The following CNTN4 variants were observed in gnomAD, a reference collection of about 807,000 sequenced individuals.
CNTN4 encodes contactin-4.
A neutral mutation model predicts 122.5 loss-of-function variants in CNTN4; 77 were observed. The ratio of observed to expected loss-of-function variants is 0.63; its 90% CI spans 0.52 to 0.76. CNTN4 has a LOEUF of 0.76. Among genes scored for constraint, CNTN4 ranks in the 30% least tolerant of loss-of-function variants. The probability of loss-of-function intolerance (pLI) is 0.00; values close to 1 mark genes in which losing one functional copy is unlikely to be tolerated. For synonymous variants in CNTN4, 512 were observed against 447.0 expected (o/e 1.15, Z -1.83); for missense variants, 1,256 against 1,259.1 (o/e 1.00, Z 0.04).
chr3:2,231,144 CT>C (rs1161143115), intron 2 of CNTN4, among the ~76,000 whole-genome samples: 1 of 152,180 alleles, frequency 6.6e-6, no homozygotes, highest in Non-Finnish European at 1.5e-5. Context: ...TATCATTCAA[CT>C]GTACCAATAT....
At chr3:3,003,309 A>T (rs1240057825) in intron 14 of CNTN4, among the ~76,000 whole-genome samples, 2 of 152,220 alleles carry the variant, frequency 1.3e-5, no homozygotes, top group African/African-American at 4.8e-5. Flanking sequence ...TAGAAGCATT[A>T]TTCATAATAG....
chr3:2,683,016 A>G (rs573298501), intron 4 of CNTN4, among the ~76,000 whole-genome samples: 5 of 152,264 alleles, frequency 3.3e-5, no homozygotes, highest in South Asian at 4.1e-4. Flanking sequence ...AGAGTGATTG[A>G]GATCTGTCTT....
chr3:2,155,464 C>T (rs2035678680), intron 2 of CNTN4, among the ~76,000 whole-genome samples: 1 of 151,974 alleles, frequency 6.6e-6, no homozygotes, highest in Admixed American at 6.6e-5. Flanking sequence ...GCACCTACAA[C>T]AATCTATGTA....
chr3:2,834,658 G>T (rs905130293), intron 7 of CNTN4, among the ~76,000 whole-genome samples: 2 of 151,980 alleles, frequency 1.3e-5, no homozygotes, highest in African/African-American at 4.8e-5. Context: ...CATACATGAA[G>T]TATAGAAATA....
chr3:2,317,754 G>T (rs932725550), intron 2 of CNTN4, among the ~76,000 whole-genome samples: 3 of 152,176 alleles, frequency 2.0e-5, no homozygotes, highest in African/African-American at 7.2e-5. Flanking sequence ...TGCTAGGTAG[G>T]AGACAGGAAA....
chr3:2,190,360 A>C (rs550705547), intron 2 of CNTN4, among the ~76,000 whole-genome samples: 42 of 152,156 alleles, frequency 2.8e-4, no homozygotes, highest in African/African-American at 9.4e-4. Context: ...ATGATAAAAA[A>C]AGAATTTTTC....
intron 3 of CNTN4, among the ~76,000 whole-genome samples, chr3:2,359,173 T>C (rs1259406236): frequency 6.6e-6 from 1 of 152,212 alleles, no homozygotes; most frequent in Non-Finnish European, 1.5e-5. Flanking sequence ...CTTTGTAAGA[T>C]TCGATGCCCC....
intron 3 of CNTN4, among the ~76,000 whole-genome samples, chr3:2,450,797 C>A (rs577370496): frequency 5.9e-4 from 90 of 152,286 alleles, no homozygotes; most frequent in Non-Finnish European, 9.1e-4. Context: ...CTGACTCAAC[C>A]AAACAAGTTA....
chr3:3,013,145 G>A (rs78402770), intron 14 of CNTN4, among the ~76,000 whole-genome samples: 2,413 of 152,106 alleles, frequency 0.016, 33 homozygotes, highest in Non-Finnish European at 0.024. Flanking sequence ...TATGAAGCAT[G>A]TTAAAATCCA....
At chr3:2,108,165 CT>C (rs55760208) in intron 2 of CNTN4, among the ~76,000 whole-genome samples, 39,265 of 123,882 alleles carry the variant, frequency 0.32, 5,795 homozygotes, top group Admixed American at 0.39. Flanking sequence ...TGTGCCTTTT[CT>C]TTTTTTTTTT....
chr3:3,015,413 T>A (rs1312656004), intron 14 of CNTN4, among the ~76,000 whole-genome samples: 2 of 152,180 alleles, frequency 1.3e-5, no homozygotes, highest in African/African-American at 2.4e-5. Flanking sequence ...ATCAATCCTA[T>A]CTACATCAAA....
chr3:2,927,932 T>C (rs940093823), intron 13 of CNTN4, among the ~76,000 whole-genome samples: 1 of 152,338 alleles, frequency 6.6e-6, no homozygotes, highest in African/African-American at 2.4e-5. Flanking sequence ...ACAGTTCTGA[T>C]CCTCGTTCCC....
rs182589360 is a variant in CNTN4 at position 2,257,672 on chromosome 3, C to T, written c.-144-81506C>T. On this transcript the variant is annotated intron_variant, in intron 2 of 24. Coordinates refer to ENST00000418658, the MANE Select transcript of CNTN4 (RefSeq NM_175607.3). ...AGAAGACATTTATGCAGCCAAGAAA[C>T]ATGAAAAAACACTTATCATCACTGG... Among the ~76,000 whole-genome samples the T allele has an allele frequency of 2.6e-3, 396 of 152,154 alleles. 2 individuals are homozygous for T. The highest frequency in any genetic ancestry group is 0.02 in the East Asian group (105 of 5,174).
chr3:2,290,798 T>C (rs777410508), intron 2 of CNTN4, among the ~76,000 whole-genome samples: 11 of 152,266 alleles, frequency 7.2e-5, no homozygotes, highest in Non-Finnish European at 1.3e-4. Context: ...ACCATTAAAA[T>C]TTTCTGACTT....
At chr3:2,665,210 T>G (rs1169773876) in intron 4 of CNTN4, among the ~76,000 whole-genome samples, 1 of 152,220 alleles carries the variant, frequency 6.6e-6, no homozygotes, top group Non-Finnish European at 1.5e-5. Flanking sequence ...TCTTGCATCA[T>G]TCTTGTGAGT....
intron 13 of CNTN4, among the ~76,000 whole-genome samples, chr3:2,972,167 G>A (rs1358033513): frequency 6.6e-6 from 1 of 152,084 alleles, no homozygotes; most frequent in Admixed American, 6.6e-5. Flanking sequence ...TACAAAGCGA[G>A]TATCCCTAAA....
chr3:2,345,006 A>G (rs4561818), intron 3 of CNTN4, among the ~76,000 whole-genome samples: 33,565 of 152,140 alleles, frequency 0.22, 4,680 homozygotes, highest in South Asian at 0.32. Flanking sequence ...ACAGAGAAAC[A>G]TGATTTTTAT....
chr3:2,953,376 G>A (rs1287456604), intron 13 of CNTN4, among the ~76,000 whole-genome samples: 3 of 151,388 alleles, frequency 2.0e-5, no homozygotes, highest in Admixed American at 6.6e-5. Context: ...GCGGTAGATC[G>A]CTCCTCCCTC....
chr3:2,384,589 A>C (rs1188209936), intron 3 of CNTN4, among the ~76,000 whole-genome samples: 2 of 152,222 alleles, frequency 1.3e-5, no homozygotes, highest in African/African-American at 2.4e-5. Context: ...GGTGAATTGC[A>C]AATGCCCAGC....
Sources: allele counts gnomAD v4.1 joint callset (sites outside exome capture counted in the v4.1 genomes callset), GRCh38; gene constraint gnomAD v4.1.1; transcripts MANE v1.5; gene names NCBI Gene and HGNC (gene_info 2026-07-23, HGNC 2026-07-21).